ADGRD1: variants seen among roughly 807,000 people sequenced by gnomAD.
ADGRD1 encodes G-protein coupled receptor 133.
A neutral mutation model predicts 113.4 loss-of-function variants in ADGRD1; 77 were observed. That is an observed-to-expected ratio of 0.68 (90% CI 0.57 to 0.82). ADGRD1 has a LOEUF of 0.82. Ranked by LOEUF, ADGRD1 falls within the 40% of genes least tolerant of loss-of-function variation. The pLI is 0.00. For missense variants in ADGRD1, 1,036 were observed against 1,139.1 expected (o/e 0.91, Z 1.30); for synonymous variants, 474 against 475.0 (o/e 1.00, Z 0.03).
rs971731104 is a variant in ADGRD1, at chr12:130,992,465, T to A, written c.966+73T>A. ...TACCGGGACCATAGATGTTTCTGTT[T>A]GACCTAGATCGAGTTTAAAAAAAGC... On this transcript the variant is annotated intron_variant, in intron 8 of 24. Coordinates refer to ENST00000261654, the MANE Select transcript of ADGRD1 (RefSeq NM_198827.5). 5 of 1,306,558 alleles carry A rather than the reference T, an allele frequency of 3.8e-6. No homozygotes were observed. In the Admixed American group the frequency reaches 1.1e-4, roughly 29 times the overall value. 80.9% of individuals were successfully genotyped at this position (1,306,558 alleles called of 1,614,324 possible). A position where few individuals can be genotyped will look rare whatever the true frequency, so the allele number is the denominator to read the frequency against.
intron 13 of ADGRD1, chr12:131,070,793 A>G: frequency 1.9e-6 from 1 of 518,882 alleles, no homozygotes; most frequent in East Asian, 5.5e-5. Flanking sequence ...ACTGTGGAGT[A>G]CATGTGACTT....
At chr12:131,012,861 G>T (rs547437737) in intron 12 of ADGRD1, among the ~76,000 whole-genome samples, 1 of 152,168 alleles carries the variant, frequency 6.6e-6, no homozygotes, top group Admixed American at 6.5e-5. Flanking sequence ...CACAGGACCC[G>T]GGTGAGGCCC....
At chr12:131,129,150 G>A (rs112643907) in intron 20 of ADGRD1, among the ~76,000 whole-genome samples, 8,519 of 117,982 alleles carry the variant, frequency 0.072, 141 homozygotes, top group African/African-American at 0.16. Context: ...TGACAGGCCC[G>A]CCCTGCTGTC....
intron 19 of ADGRD1, chr12:131,120,569 A>C (rs1593248535): frequency 3.7e-6 from 2 of 534,964 alleles, no homozygotes; most frequent in Non-Finnish European, 6.7e-6. Flanking sequence ...TCCCCAGCAA[A>C]GGTCTATTTC....
Position 130,971,497 on chromosome 12 carries a change from A to G in ADGRD1, c.227A>G (p.Lys76Arg), listed in dbSNP as rs1343332872. The G allele has an allele frequency of 3.7e-6, 6 of 1,613,632 alleles. No homozygotes were observed. In the Admixed American group the frequency reaches 8.3e-5, roughly 22 times the overall value. Residue 76 changes from lysine (K) to arginine (R), a missense_variant, in exon 4 of 25, where the codon AAA becomes AGA. Transcript: ENST00000261654. The surrounding 1 kb of genome is among the most constrained non-coding windows in gnomAD (Gnocchi z 4.2). ...EGKVNKGIYLKEEKGVTLLYY... is the reference protein window; with the variant it reads ...EGKVNKGIYLREEKGVTLLYY... ...AAGGTCAACAAAGGCATTTACCTGA[A>G]AGAGGAAAAGGGAGTCACGCTTCTC...
chr12:131,077,215 C>T (rs1419144027), intron 14 of ADGRD1, among the ~76,000 whole-genome samples: 6 of 151,494 alleles, frequency 4.0e-5, no homozygotes, highest in Non-Finnish European at 8.8e-5. Flanking sequence ...CTGTCCCCCT[C>T]GAGGGTCTTG....
At chr12:131,085,561 G>C (rs1886401583) in intron 15 of ADGRD1, among the ~76,000 whole-genome samples, 1 of 152,170 alleles carries the variant, frequency 6.6e-6, no homozygotes, top group Non-Finnish European at 1.5e-5. Flanking sequence ...TTGGGGTGGG[G>C]CACGTAGACG....
chr12:130,996,229 T>C lies in ADGRD1; in HGVS notation c.966+3837T>C, dbSNP rs1185968751. Among the ~76,000 whole-genome samples the C allele has an allele frequency of 4.0e-5, 5 of 124,698 alleles. 1 individual carries two copies. Among genetic ancestry groups the C allele is most frequent in the Admixed American group, 7.9e-5 (1 of 12,624 alleles). 81.8% of individuals were successfully genotyped at this position (124,698 alleles called of 152,430 possible). Reference sequence around the variant, plus strand: ...GATTTCTCAATCTTTTCCCCACCTTTCCCCCTTTCTATTCCACAAAGCCGC... The same window carrying C: ...GATTTCTCAATCTTTTCCCCACCTTCCCCCCTTTCTATTCCACAAAGCCGC... On this transcript the variant is annotated intron_variant, in intron 8 of 24. Transcript: ENST00000261654.
In ADGRD1 at chr12:131,084,656, C is replaced by G. The variant is rs773329052; in HGVS notation, c.1664C>G (p.Pro555Arg). The change falls in exon 15 of 25, where the codon CCG becomes CGG. Residue 555 changes from proline to arginine, a missense_variant. Transcript: ENST00000261654. This position sits in a 1 kb window ranked among gnomAD's most constrained non-coding sequence, Gnocchi z 4.5. ...TTTGCCATCCTCATGCAGGTGGTCC[C>G]GCTGGAGGTAAGAGCCAGGCCTCAG... ...TNFAILMQVV[P>R]LELARGHQVA... The G allele has an allele frequency of 3.1e-6, 5 of 1,613,782 alleles. No homozygotes were observed. Among genetic ancestry groups the G allele is most frequent in the Non-Finnish European group, 4.2e-6 (5 of 1,179,874 alleles).
At chr12:131,076,666 G>A in intron 13 of ADGRD1, 135 bp from the exon 14 acceptor site, 1 of 735,818 alleles carries the variant, frequency 1.4e-6, no homozygotes, top group East Asian at 2.5e-5. Context: ...ACAATGGATG[G>A]AGATAGACAT....
chr12:131,086,165 C>T (rs557761166), intron 15 of ADGRD1, among the ~76,000 whole-genome samples: 16 of 152,276 alleles, frequency 1.1e-4, no homozygotes, highest in South Asian at 2.1e-4. Flanking sequence ...CACCAGCGTC[C>T]GCAGTGTCTG....
chr12:131,016,115 C>T (rs1317090465), intron 13 of ADGRD1, among the ~76,000 whole-genome samples: 1 of 152,258 alleles, frequency 6.6e-6, no homozygotes, highest in African/African-American at 2.4e-5. Flanking sequence ...CAGGAGGAGC[C>T]TTCTCTCCTC....
At chr12:130,978,344 T>G (rs931492095) in intron 4 of ADGRD1, 8 of 152,342 alleles carry the variant, frequency 5.3e-5, no homozygotes, top group Middle Eastern at 3.4e-3. Context: ...TTATTTTTCC[T>G]TTTTTTGTCT....
intron 2 of ADGRD1, chr12:130,962,207 T>C (rs1870446912): frequency 6.6e-6 from 1 of 152,280 alleles, no homozygotes; most frequent in Non-Finnish European, 1.5e-5. Context: ...AACTGAGGTG[T>C]TTTACACTTG....
Position 130,987,126 on chromosome 12 carries a change from G to T in ADGRD1, c.522G>T (p.Trp174Cys). ...ATTGGACTCATGTCCTATTTACATG[G>T]AAATCCAAGGAGGGCCTGAAAGTCT... ...GPYWTHVLFTWKSKEGLKVYV... is the reference protein window; with the variant it reads ...GPYWTHVLFTCKSKEGLKVYV... Residue 174 changes from tryptophan (W) to cysteine (C), a missense_variant, in exon 6 of 25, where the codon TGG becomes TGT. Transcript: ENST00000261654. The T allele has an allele frequency of 6.2e-7, 1 of 1,613,924 alleles. No individual in the cohort carries two copies. The highest frequency in any genetic ancestry group is 1.1e-5 in the South Asian group (1 of 91,066).
Position 131,139,850 on chromosome 12 carries a change from GCT to G in ADGRD1, c.*588_*589del, listed in dbSNP as rs1951199936. On this transcript the variant is annotated 3_prime_UTR_variant, in exon 25 of 25. Coordinates refer to ENST00000261654, the MANE Select transcript of ADGRD1 (RefSeq NM_198827.5). ...GTGGTGCCGGCGTGGGCCAACCTGT[GCT>G]GTGTCATCAGTTGGGGGCCCCTGCC... The G allele has an allele frequency of 6.5e-6, 1 of 153,022 alleles. No individual in the cohort carries two copies. The highest frequency in any genetic ancestry group is 1.5e-5 in the Non-Finnish European group (1 of 68,638). 9.5% of individuals were successfully genotyped at this position (153,022 alleles called of 1,614,324 possible). A position where few individuals can be genotyped will look rare whatever the true frequency, so the allele number is the denominator to read the frequency against.
At chr12:131,112,886 G>T (rs894210991) in intron 18 of ADGRD1, among the ~76,000 whole-genome samples, 3 of 152,252 alleles carry the variant, frequency 2.0e-5, no homozygotes, top group Admixed American at 6.5e-5. Context: ...TTCTGAGCCT[G>T]CCACACCCTG....
chr12:131,112,777 G>A (rs1416058401), intron 18 of ADGRD1, among the ~76,000 whole-genome samples: 4 of 152,222 alleles, frequency 2.6e-5, no homozygotes, highest in Admixed American at 2.0e-4. Flanking sequence ...GCAGGGCACT[G>A]GGTGGGGGAA....
intron 15 of ADGRD1, among the ~76,000 whole-genome samples, chr12:131,088,235 C>T (rs1159587230): frequency 2.0e-5 from 3 of 152,018 alleles, no homozygotes; most frequent in Non-Finnish European, 2.9e-5. Flanking sequence ...GGTGGTCGCC[C>T]GTCGTTCAAC....
Sources: gnomAD v4.1 joint callset for allele counts (sites outside exome capture counted in the v4.1 genomes callset) on GRCh38, gnomAD v4.1.1 for gene constraint, Gnocchi (gnomAD v3.1) non-coding constraint, MANE v1.5 for transcripts, NCBI Gene and HGNC (gene_info 2026-07-23, HGNC 2026-07-21) for gene names.